The following SNURF variants were observed in gnomAD, a reference collection of about 807,000 sequenced individuals.
SNURF encodes SNURF protein.
Under a neutral mutation model 11.6 loss-of-function variants are expected in SNURF, and 6 were observed. That is an observed-to-expected ratio of 0.52 (90% CI 0.28 to 1.02). The LOEUF (loss-of-function observed/expected upper bound fraction) is 1.02. Among genes scored for constraint, SNURF ranks in the 50% least tolerant of loss-of-function variants. SNURF has a pLI of 0.09. For missense variants in SNURF, 84 were observed against 88.4 expected, an observed-to-expected ratio of 0.95 and a Z score of 0.20; for synonymous variants, 29 against 31.6, an observed-to-expected ratio of 0.92 and a Z score of 0.27.
chr15:24,958,934 T>G (rs1440556746), intron 1 of SNURF: 2 of 152,736 alleles, frequency 1.3e-5, no homozygotes, highest in Non-Finnish European at 2.9e-5. Context: ...CCCAGACTGG[T>G]CTCGAACTCC....
intron 3 of SNURF, chr15:24,974,545 G>C: frequency 2.5e-6 from 3 of 1,220,404 alleles, no homozygotes; most frequent in Non-Finnish European, 3.7e-6. Flanking sequence ...CTTGGGTTCT[G>C]AATGTTAGAA....
chr15:24,975,414 C>A (rs2076952302), exon 4 of SNURF: 1 of 1,612,640 alleles, frequency 6.2e-7, no homozygotes, highest in African/African-American at 1.3e-5. Context: ...TGAGATGTAT[C>A]CTGCAAGATG....
At chr15:24,976,539 C>T in intron 5 of SNURF, 2 of 739,906 alleles carry the variant, frequency 2.7e-6, no homozygotes, top group Non-Finnish European at 4.6e-6. Flanking sequence ...ATGTGCCAGG[C>T]ACTTAATATC....
intron 1 of SNURF, among the ~76,000 whole-genome samples, chr15:24,955,844 T>C (rs1017649439): frequency 2.7e-5 from 4 of 150,116 alleles, no homozygotes; most frequent in African/African-American, 9.8e-5. Context: ...GCGGTGGGCA[T>C]GGCATGGAGG....
At chr15:24,959,890 G>T (rs182851399) in intron 1 of SNURF, among the ~76,000 whole-genome samples, 1 of 152,126 alleles carries the variant, frequency 6.6e-6, no homozygotes, top group Admixed American at 6.6e-5. Context: ...CTTAGCCCTC[G>T]TATATGCCAG....
intron 6 of SNURF, chr15:24,977,097 A>G (rs2077143666): frequency 1.5e-6 from 2 of 1,329,840 alleles, no homozygotes; most frequent in Admixed American, 5.3e-5. Flanking sequence ...GAGGAGATTT[A>G]AAAACCTAAG....
downstream of SNURF, among the ~76,000 whole-genome samples, chr15:24,973,620 G>C (rs1046531593): frequency 9.9e-5 from 15 of 152,048 alleles, no homozygotes; most frequent in African/African-American, 3.6e-4. Flanking sequence ...GGCTGGTCTC[G>C]AACTCTTGAC....
chr15:24,959,059 A>G (rs2074353121), intron 1 of SNURF, among the ~76,000 whole-genome samples: 1 of 152,136 alleles, frequency 6.6e-6, no homozygotes, highest in Non-Finnish European at 1.5e-5. Context: ...GTTAAATTTT[A>G]TGGAAAATTT....
exon 1 of SNURF, chr15:24,954,988 CAG>C: frequency 6.2e-7 from 1 of 1,608,748 alleles, no homozygotes; most frequent in Non-Finnish European, 8.5e-7. Flanking sequence ...GAGTCTGGCG[CAG>C]AGTGGAGCGG....
In SNURF at chr15:24,955,813, T is replaced by TTGGCGGCGGTAGGCA. The variant is rs367828191; in HGVS notation, c.14+762_14+776dup. Among the ~76,000 whole-genome samples the TTGGCGGCGGTAGGCA allele has an allele frequency of 1.6e-3, 234 of 150,302 alleles. 1 individual carries two copies. Among genetic ancestry groups the TTGGCGGCGGTAGGCA allele is most frequent in the African/African-American group, 5.6e-3 (230 of 40,866 alleles). On this transcript the variant is annotated intron_variant, in intron 1 of 2. Coordinates refer to ENST00000577949, the Ensembl canonical transcript of SNURF. The stretch of plus-strand genomic sequence containing the variant: ...CGGGTAGGCATGGCGGTGGTGGACT[T>TTGGCGGCGGTAGGCA]TGGCGGCGGTAGGCATGGCGGCGGT...
intron 4 of SNURF, chr15:24,975,578 A>G: frequency 3.0e-6 from 4 of 1,351,868 alleles, no homozygotes; most frequent in Non-Finnish European, 4.2e-6. Flanking sequence ...GAGCTGGAGT[A>G]AGGGATTTCC....
chr15:24,957,442 A>G (rs2063114881), intron 1 of SNURF, among the ~76,000 whole-genome samples: 1 of 152,216 alleles, frequency 6.6e-6, no homozygotes. Flanking sequence ...TGGAGCTACT[A>G]CAAAAATTTG....
chr15:24,955,762 G>C (rs1596150504), intron 1 of SNURF, among the ~76,000 whole-genome samples: 1 of 151,672 alleles, frequency 6.6e-6, no homozygotes, highest in African/African-American at 2.4e-5. Context: ...GCGACAGTGG[G>C]TATTGGCGGC....
At chr15:24,961,621 C>G (rs1244691381) in intron 1 of SNURF, among the ~76,000 whole-genome samples, 1 of 151,948 alleles carries the variant, frequency 6.6e-6, no homozygotes, top group African/African-American at 2.4e-5. Context: ...CTTTGCAAAT[C>G]CTAAAGAAAG....
chr15:24,968,845 T>G (rs2076029930), downstream of SNURF: 1 of 152,212 alleles, frequency 6.6e-6, no homozygotes, highest in South Asian at 2.1e-4. Flanking sequence ...TGTAGATTTA[T>G]TTAGTTCTTT....
intron 1 of SNURF, among the ~76,000 whole-genome samples, chr15:24,959,298 A>G (rs2074384922): frequency 6.6e-6 from 1 of 152,134 alleles, no homozygotes; most frequent in Admixed American, 6.5e-5. Context: ...TGTTTTCAAA[A>G]TCTTATAGAT....
chr15:24,975,289 G>A (rs1490130754), intron 3 of SNURF: 30 of 1,258,344 alleles, frequency 2.4e-5, no homozygotes, highest in Non-Finnish European at 3.1e-5. Context: ...GGGTGGAGAA[G>A]AAACAGGAGA....
chr15:24,975,602 G>A lies in SNURF; in HGVS notation c.*197+93G>A, dbSNP rs558515721. On this transcript the variant is annotated intron_variant and NMD_transcript_variant, in intron 4 of 6. Transcript: ENST00000580062. ...TAAGGGATTTCCGAGGGTAACTGAA[G>A]TAGTTAGGGAAACTATGGTAGAGCC... 208 of 1,037,500 alleles carry A rather than the reference G, an allele frequency of 2.0e-4. No individual in the cohort carries two copies. The African/African-American group carries it at 2.8e-3, about 14-fold the overall frequency. The allele number at this position is 1,037,500 out of a possible 1,614,324, so 64.3% of individuals were successfully genotyped here.
At chr15:24,977,048 G>A (rs1348791728) in intron 6 of SNURF, 1 of 1,540,390 alleles carries the variant, frequency 6.5e-7, no homozygotes, top group East Asian at 2.3e-5. Flanking sequence ...CCAGCAGAGG[G>A]TTTTATATTA....
Sources: allele counts gnomAD v4.1 joint callset (sites outside exome capture counted in the v4.1 genomes callset), GRCh38; gene constraint gnomAD v4.1.1; transcripts MANE v1.5; gene names NCBI Gene and HGNC (gene_info 2026-07-23, HGNC 2026-07-21).